GSTA1: variants seen among roughly 807,000 people sequenced by gnomAD.
GSTA1 encodes the protein glutathione S-transferase A1.
GSTA1 carries 23 observed loss-of-function variants against 21.5 expected under a neutral mutation model. That is an observed-to-expected ratio of 1.07 (90% confidence interval 0.77 to 1.52). GSTA1 has a LOEUF of 1.52. Ranked by LOEUF, GSTA1 falls within the 40% of genes most tolerant of loss-of-function variation. GSTA1 has a pLI of 0.00. For missense variants in GSTA1, 301 were observed against 264.2 expected (o/e 1.14, Z -0.96); for synonymous variants, 125 against 90.0 (o/e 1.39, Z -2.20).
At position 52,799,216 on chromosome 6, in the gene GSTA1, A is replaced by T. The variant is rs1281163387; in HGVS notation, c.52T>A (p.Ser18Thr). The change falls in exon 2 of 7, where the codon TCC becomes ACC. Residue 18 changes from serine (S) to threonine (T), a missense_variant. Coordinates refer to ENST00000334575, the MANE Select transcript of GSTA1 (RefSeq NM_145740.5). Reference sequence around the variant, plus strand: ...GCTGCAGCCAGGAGCCACCGGGTGGACTCCATTCTGCCCCGTGCATTGAAG... The same window carrying T: ...GCTGCAGCCAGGAGCCACCGGGTGGTCTCCATTCTGCCCCGTGCATTGAAG... ...HYFNARGRME[S>T]TRWLLAAAGV... 1.9e-6 allele frequency: 3 copies of T among 1,613,750 alleles called. No homozygotes were observed. The highest frequency in any genetic ancestry group is 2.2e-5 in the East Asian group (1 of 44,886).
chr6:52,793,268 G>A (rs1330427509), intron 5 of GSTA1, among the ~76,000 whole-genome samples: 3 of 152,118 alleles, frequency 2.0e-5, no homozygotes, highest in Non-Finnish European at 4.4e-5. Context: ...ACATGGGCCA[G>A]GGGCTTAGCA....
chr6:52,793,227 A>G (rs1275315274), intron 5 of GSTA1, among the ~76,000 whole-genome samples: 1 of 152,042 alleles, frequency 6.6e-6, no homozygotes, highest in Non-Finnish European at 1.5e-5. Context: ...TCACTGTGGC[A>G]TCTACACCAC....
intron 2 of GSTA1, among the ~76,000 whole-genome samples, chr6:52,798,925 AGTTT>A (rs1763648013): frequency 6.6e-6 from 1 of 152,190 alleles, no homozygotes; most frequent in Non-Finnish European, 1.5e-5. Context: ...TATTCTTTAC[AGTTT>A]GTTTAAATTC....
chr6:52,796,543 A>ATATATTTTTTTTT (rs1300549721), intron 3 of GSTA1, among the ~76,000 whole-genome samples: 5 of 23,758 alleles, frequency 2.1e-4, no homozygotes, highest in Non-Finnish European at 4.3e-4. Context: ...ATATATATAT[A>ATATATTTTTTTTT]TTTTTTTTTT....
In GSTA1 at chr6:52,796,246, C is replaced by T. The variant is rs1299260209; in HGVS notation, c.208G>A (p.Ala70Thr). Reference protein sequence around the residue: ...IDGMKLVQTRAILNYIASKYN... With the variant: ...IDGMKLVQTRTILNYIASKYN... Reference sequence around the variant, plus strand: ...TTGCTGGCAATGTAGTTGAGAATGGCTCTGGTCTGCACCAGCTTCATCCCA... The same window carrying T: ...TTGCTGGCAATGTAGTTGAGAATGGTTCTGGTCTGCACCAGCTTCATCCCA... Residue 70 changes from alanine to threonine, a missense_variant, in exon 4 of 7, where the codon GCC (alanine) becomes ACC (threonine). Ala to Thr is a moderately conservative substitution (Grantham distance 58). Transcript: ENST00000334575. 1.2e-6 allele frequency: 2 copies of T among 1,613,774 alleles called. No individual in the cohort carries two copies. Among genetic ancestry groups the T allele is most frequent in the African/African-American group, 1.3e-5 (1 of 74,902 alleles).
chr6:52,795,599 C>T (rs762734328), intron 4 of GSTA1, among the ~76,000 whole-genome samples: 3 of 152,004 alleles, frequency 2.0e-5, no homozygotes, highest in Non-Finnish European at 4.4e-5. Context: ...GCAAGGAGAC[C>T]CCTTGGTTTT....
At chr6:52,803,340 C>G (rs1280406874) in intron 1 of GSTA1, among the ~76,000 whole-genome samples, 1 of 152,144 alleles carries the variant, frequency 6.6e-6, no homozygotes, top group Non-Finnish European at 1.5e-5. Flanking sequence ...GACATTCAAA[C>G]TAATTTATTC....
At chr6:52,795,867 AG>A (rs1248780590) in intron 4 of GSTA1, among the ~76,000 whole-genome samples, 1 of 152,148 alleles carries the variant, frequency 6.6e-6, no homozygotes, top group Non-Finnish European at 1.5e-5. Flanking sequence ...GCCAGAGTCG[AG>A]CCTCTGAAGT....
Position 52,802,951 on chromosome 6 carries a change from G to C in GSTA1, c.-31+834C>G, listed in dbSNP as rs552509321. 1.8e-4 allele frequency among the ~76,000 whole-genome samples: 27 copies of C among 152,254 alleles called. 1 individual carries two copies. In the South Asian group the frequency reaches 5.6e-3, roughly 32 times the overall value. On this transcript the variant is annotated intron_variant, in intron 1 of 6. Coordinates refer to ENST00000334575, the MANE Select transcript of GSTA1 (RefSeq NM_145740.5). ...GAAATTTTCAGTGAATGTCCAAGCA[G>C]TGGGGCACATCAGTAACACAGCCTT...
At chr6:52,792,659 A>T (rs1581791908) in intron 6 of GSTA1, 197 bp downstream of exon 6, 2 of 1,393,338 alleles carry the variant, frequency 1.4e-6, no homozygotes, top group East Asian at 5.3e-5. Context: ...GTGGGGTAGC[A>T]TGCAGCACAG....
intron 4 of GSTA1, among the ~76,000 whole-genome samples, chr6:52,795,047 A>G (rs1371982299): frequency 6.6e-6 from 1 of 152,228 alleles, no homozygotes; most frequent in Non-Finnish European, 1.5e-5. Context: ...TGTAAAAATA[A>G]CCACAGTCTA....
chr6:52,795,993 T>C (rs147020587), intron 4 of GSTA1, among the ~76,000 whole-genome samples, 189 bp downstream of exon 4: 18 of 152,244 alleles, frequency 1.2e-4, no homozygotes, highest in East Asian at 7.7e-4. Flanking sequence ...GAATCACCCT[T>C]GCCTGAACCC....
At chr6:52,793,519 A>T (rs1763507386) in intron 5 of GSTA1, among the ~76,000 whole-genome samples, 2 of 152,112 alleles carry the variant, frequency 1.3e-5, no homozygotes. Context: ...ACCTGAATTC[A>T]TCTTTCTTAC....
chr6:52,796,211 G>A lies in GSTA1; in HGVS notation c.243C>T (p.Leu81=). 1 of 1,613,790 alleles carries A rather than the reference G, an allele frequency of 6.2e-7. No individual in the cohort carries two copies. The highest frequency in any genetic ancestry group is 8.5e-7 in the Non-Finnish European group (1 of 1,179,906). The change falls in exon 4 of 7, where the codon CTC becomes CTT. Residue 81 remains leucine, a synonymous_variant. Coordinates refer to ENST00000334575, the MANE Select transcript of GSTA1 (RefSeq NM_145740.5). ...ILNYIASKYN[L]YGKDIKERAL... is the part of the protein sequence containing the mutation. Reference sequence around the variant, plus strand: ...CTCTCTCCTTTATGTCTTTCCCATAGAGGTTGTATTTGCTGGCAATGTAGT... The same window carrying A: ...CTCTCTCCTTTATGTCTTTCCCATAAAGGTTGTATTTGCTGGCAATGTAGT...
chr6:52,803,534 A>G (rs554293444), intron 1 of GSTA1, among the ~76,000 whole-genome samples: 1 of 152,192 alleles, frequency 6.6e-6, no homozygotes, highest in East Asian at 1.9e-4. Context: ...TCTTCATGTC[A>G]TTGTTTCCCA....
Position 52,796,543 on chromosome 6 carries a change from A to ATATTTTTTT in GSTA1, c.140-230_140-229insAAAAAAATA, listed in dbSNP as rs1300549721. ...TGTGTGTGTGTGTATATATATATAT[A>ATATTTTTTT]TTTTTTTTTTTTTTTTTTTTGGCAG... On this transcript the variant is annotated intron_variant, in intron 3 of 6. Transcript: ENST00000334575. 1.9e-3 allele frequency among the ~76,000 whole-genome samples: 44 copies of ATATTTTTTT among 23,748 alleles called. 1 individual carries two copies. The highest frequency in any genetic ancestry group is 3.8e-3 in the Admixed American group (6 of 1,592). 15.6% of individuals were successfully genotyped at this position (23,748 alleles called of 152,430 possible). A position where few individuals can be genotyped will look rare whatever the true frequency, so the allele number is the denominator to read the frequency against.
chr6:52,791,882 T>G lies in GSTA1; in HGVS notation c.645A>C (p.Glu215Asp). The G allele has an allele frequency of 6.2e-7, 1 of 1,614,034 alleles. No individual in the cohort carries two copies. The change falls in exon 7 of 7, where the codon GAA becomes GAC. Residue 215 changes from glutamate to aspartate, a missense_variant. Physicochemically the swap from Glu to Asp is conservative, Grantham distance 45. Coordinates refer to ENST00000334575, the MANE Select transcript of GSTA1 (RefSeq NM_145740.5). ...KPPMDEKSLEEARKIFRF is the reference protein window; with the variant it reads ...KPPMDEKSLEDARKIFRF ...ATTAAAACCTGAAAATCTTCCTTGC[T>G]TCTTCTAAAGATTTCTCATCCATGG...
At chr6:52,797,187 C>G (rs1265222612) in intron 3 of GSTA1, among the ~76,000 whole-genome samples, 12 of 152,156 alleles carry the variant, frequency 7.9e-5, no homozygotes, top group Non-Finnish European at 1.6e-4. Flanking sequence ...CCACTCCCCC[C>G]ATGAAAGAAA....
chr6:52,794,301 T>A, intron 4 of GSTA1, 35 bp from the exon 5 acceptor site: 1 of 1,585,136 alleles, frequency 6.3e-7, no homozygotes, highest in Non-Finnish European at 8.6e-7. Context: ...GTCAAATACC[T>A]TTTGCCTTAG....
Sources: allele counts gnomAD v4.1 joint callset (sites outside exome capture counted in the v4.1 genomes callset), GRCh38; gene constraint gnomAD v4.1.1; transcripts MANE v1.5; gene names NCBI Gene and HGNC (gene_info 2026-07-23, HGNC 2026-07-21).